Variants in LRTM1 observed in about 807,000 individuals in gnomAD.
LRTM1 encodes leucine rich repeat transmembrane protein 1.
In LRTM1, 38 loss-of-function variants were observed where a neutral mutation model predicts 32.4. The ratio of observed to expected loss-of-function variants is 1.17; its 90% CI spans 0.91 to 1.54. The LOEUF (loss-of-function observed/expected upper bound fraction) is 1.54, where lower values mean the gene tolerates loss of function less well. LRTM1 is among the 40% of genes most tolerant of loss of function. The pLI, the probability that LRTM1 is intolerant of heterozygous loss-of-function variation, is 0.00. For missense variants in LRTM1, 466 were observed against 415.4 expected, an observed-to-expected ratio of 1.12 and a Z score of -1.06; for synonymous variants, 186 against 169.9, an observed-to-expected ratio of 1.09 and a Z score of -0.74.
chr3:54,936,521 C>T (rs1382993720), intron 1 of LRTM1, among the ~76,000 whole-genome samples: 2 of 152,224 alleles, frequency 1.3e-5, no homozygotes, highest in Non-Finnish European at 2.9e-5. Context: ...AAGGCCCTGC[C>T]TTGACTTTGC....
At chr3:54,962,358 G>A (rs971061068) in intron 1 of LRTM1, among the ~76,000 whole-genome samples, 2 of 152,114 alleles carry the variant, frequency 1.3e-5, no homozygotes, top group African/African-American at 4.8e-5. Flanking sequence ...TCCTAGGAGT[G>A]GACAGTTTGC....
At chr3:54,925,257 G>A in intron 1 of LRTM1, 42 bp from the exon 2 acceptor site, 1 of 1,520,802 alleles carries the variant, frequency 6.6e-7, no homozygotes, top group South Asian at 1.2e-5. Context: ...ACCAGTTTGT[G>A]AGGTGTGGTA....
At chr3:54,957,289 G>A (rs543125591) in intron 1 of LRTM1, among the ~76,000 whole-genome samples, 28 of 151,944 alleles carry the variant, frequency 1.8e-4, no homozygotes, top group African/African-American at 6.8e-4. Flanking sequence ...TTAGACTATA[G>A]GTGTACGCCA....
At chr3:54,962,206 C>T (rs946956086) in intron 1 of LRTM1, among the ~76,000 whole-genome samples, 1 of 152,180 alleles carries the variant, frequency 6.6e-6, no homozygotes, top group Non-Finnish European at 1.5e-5. Flanking sequence ...GACCAACATT[C>T]AAACCATAGC....
At chr3:54,940,282 T>G (rs1701434239) in intron 1 of LRTM1, among the ~76,000 whole-genome samples, 1 of 152,212 alleles carries the variant, frequency 6.6e-6, no homozygotes, top group South Asian at 2.1e-4. Context: ...GAAAGGAAGA[T>G]TTTTGAGTCA....
At chr3:54,964,601 G>A (rs1702100887) in intron 1 of LRTM1, among the ~76,000 whole-genome samples, 1 of 152,148 alleles carries the variant, frequency 6.6e-6, no homozygotes. Flanking sequence ...GGGGCTGAAG[G>A]GAGAGAGTGG....
chr3:54,926,517 C>T (rs1266638535), intron 1 of LRTM1, among the ~76,000 whole-genome samples: 2 of 121,056 alleles, frequency 1.7e-5, no homozygotes, highest in African/African-American at 8.2e-5. Flanking sequence ...CACACACACA[C>T]ACACACACAC....
At chr3:54,948,394 A>G (rs1213649808) in intron 1 of LRTM1, among the ~76,000 whole-genome samples, 3 of 152,250 alleles carry the variant, frequency 2.0e-5, no homozygotes, top group Non-Finnish European at 2.9e-5. Context: ...GAGGTTAGCA[A>G]CTAGGCCCTT....
At chr3:54,920,901 G>A (rs1700828348) in intron 2 of LRTM1, among the ~76,000 whole-genome samples, 1 of 152,126 alleles carries the variant, frequency 6.6e-6, no homozygotes, top group Admixed American at 6.5e-5. Context: ...TAAGGTGGGA[G>A]CCACAGCCTC....
In LRTM1 at chr3:54,918,707, C is replaced by G. The variant is rs148697071; in HGVS notation, c.790G>C (p.Gly264Arg). ...VLRPPENHNA[G>R]ERELLECELK... Reference sequence around the variant, plus strand: ...TCGCACTCCAAGAGTTCTCGCTCCCCCGCGTTGTGGTTCTCAGGAGGCCTC... The same window carrying G: ...TCGCACTCCAAGAGTTCTCGCTCCCGCGCGTTGTGGTTCTCAGGAGGCCTC... The change falls in exon 3 of 3, where the codon GGG (glycine) becomes CGG (arginine). Residue 264 changes from glycine (G) to arginine (R), a missense_variant. Transcript: ENST00000273286. The G allele has an allele frequency of 2.2e-4, 352 of 1,614,170 alleles. No individual in the cohort carries two copies. In the African/African-American group the frequency reaches 3.4e-3, roughly 16 times the overall value.
At chr3:54,931,634 G>A (rs1365860993), upstream of LRTM1, among the ~76,000 whole-genome samples, 1 of 152,140 alleles carries the variant, frequency 6.6e-6, no homozygotes, top group African/African-American at 2.4e-5. Context: ...TTCCCACATG[G>A]GAGCTAGCTG....
intron 1 of LRTM1, among the ~76,000 whole-genome samples, chr3:54,953,510 A>T (rs1053052892): frequency 1.3e-5 from 2 of 152,214 alleles, no homozygotes; most frequent in Non-Finnish European, 2.9e-5. Flanking sequence ...CAGATGGCCC[A>T]TGCTGTGCGT....
chr3:54,924,830 T>A lies in LRTM1; in HGVS notation c.393A>T (p.Ser131=). 6.2e-7 allele frequency: 1 copy of A among 1,614,022 alleles called. No homozygotes were observed. Among genetic ancestry groups the A allele is most frequent in the East Asian group, 2.2e-5 (1 of 44,856 alleles). ...LPQLRELDLS[S]NNISHLPTSL... The stretch of plus-strand genomic sequence containing the variant: ...ATGTGGGAAGGTGGCTTATGTTGTT[T>A]GATGACAAATCAAGCTCCCTCAGCT... Residue 131 remains serine, a synonymous_variant, in exon 2 of 3, where the codon TCA becomes TCT. Coordinates refer to ENST00000273286, the MANE Select transcript of LRTM1 (RefSeq NM_020678.4).
intron 1 of LRTM1, among the ~76,000 whole-genome samples, chr3:54,945,774 T>G (rs375047205): frequency 4.7e-4 from 71 of 152,254 alleles, no homozygotes; most frequent in African/African-American, 1.7e-3. Context: ...CCTGGGCCAT[T>G]GTATGTTGGG....
At chr3:54,919,055 A>T (rs1178969521) in intron 2 of LRTM1, among the ~76,000 whole-genome samples, 163 bp from the exon 3 acceptor site, 1 of 151,682 alleles carries the variant, frequency 6.6e-6, no homozygotes, top group Non-Finnish European at 1.5e-5. Flanking sequence ...TGATTTTAGG[A>T]TTCCTAAATT....
At chr3:54,920,153 A>G (rs902062082) in intron 2 of LRTM1, among the ~76,000 whole-genome samples, 9 of 152,222 alleles carry the variant, frequency 5.9e-5, no homozygotes, top group African/African-American at 2.2e-4. Context: ...AAATTATACC[A>G]GAAAGACATA....
Position 54,918,869 on chromosome 3 carries a change from A to G in LRTM1, c.628T>C (p.Cys210Arg), listed in dbSNP as rs770188354. Reference protein sequence around the residue: ...YKGGLTDGIICESPDTWKGKD... With the variant: ...YKGGLTDGIIRESPDTWKGKD... ...CCCTTCCAGGTGTCTGGTGATTCACAGATGATGCCGTCTGTTAGTCCCCCT... is the reference window on the plus strand; with the variant it reads ...CCCTTCCAGGTGTCTGGTGATTCACGGATGATGCCGTCTGTTAGTCCCCCT... The change falls in exon 3 of 3, where the codon TGT becomes CGT. Residue 210 changes from cysteine to arginine, a missense_variant. Transcript: ENST00000273286. The G allele has an allele frequency of 1.3e-6, 2 of 1,554,354 alleles. No individual in the cohort carries two copies. The highest frequency in any genetic ancestry group is 1.7e-6 in the Non-Finnish European group (2 of 1,148,874).
At chr3:54,926,689 G>A (rs1701030762) in intron 1 of LRTM1, among the ~76,000 whole-genome samples, 1 of 152,122 alleles carries the variant, frequency 6.6e-6, no homozygotes, top group African/African-American at 2.4e-5. Context: ...CCTTTTAACT[G>A]TTGTAGCATA....
chr3:54,927,984 G>A lies in LRTM1; in HGVS notation c.-73C>T, dbSNP rs769660418. ...TAATGTGCAGAGCAACACACGAAGG[G>A]CATGGCAGACTCAGAGCCCAGCTTT... On this transcript the variant is annotated 5_prime_UTR_variant, in exon 1 of 3. Transcript: ENST00000273286. 6.6e-5 allele frequency: 96 copies of A among 1,455,418 alleles called. No individual in the cohort carries two copies. The highest frequency in any genetic ancestry group is 8.9e-5 in the Non-Finnish European group (92 of 1,038,054). 90.2% of individuals were successfully genotyped at this position (1,455,418 alleles called of 1,614,324 possible).
Sources: gnomAD v4.1 joint callset for allele counts (sites outside exome capture counted in the v4.1 genomes callset) on GRCh38, gnomAD v4.1.1 for gene constraint, MANE v1.5 for transcripts, NCBI Gene and HGNC (gene_info 2026-07-23, HGNC 2026-07-21) for gene names.